APBB2: variants seen among roughly 807,000 people sequenced by gnomAD.
APBB2 encodes the protein Fe65-like 1.
In APBB2, 38 loss-of-function variants were observed where a neutral mutation model predicts 82.5. The observed-to-expected ratio is 0.46, with a 90% confidence interval of 0.36 to 0.60. APBB2 has a LOEUF of 0.60. Ranked by LOEUF, APBB2 falls within the 20% of genes least tolerant of loss-of-function variation. The probability of loss-of-function intolerance (pLI) is 0.00; values close to 1 mark genes in which losing one functional copy is unlikely to be tolerated. For synonymous variants in APBB2, 341 were observed against 368.2 expected, an observed-to-expected ratio of 0.93 and a Z score of 0.85; for missense variants, 772 against 972.3, an observed-to-expected ratio of 0.79 and a Z score of 2.74.
chr4:40,917,366 G>A (rs1457279978), intron 10 of APBB2, among the ~76,000 whole-genome samples: 2 of 152,186 alleles, frequency 1.3e-5, no homozygotes, highest in South Asian at 2.1e-4. Flanking sequence ...AAGGTCTCCC[G>A]GGCTGGAAGC....
chr4:41,129,238 T>C (rs1156604724), intron 2 of APBB2, among the ~76,000 whole-genome samples: 6 of 152,116 alleles, frequency 3.9e-5, no homozygotes, highest in Non-Finnish European at 7.4e-5. Flanking sequence ...CTCAATAAAT[T>C]TGGGGAGTCA....
At chr4:41,144,777 C>T (rs911243049) in intron 1 of APBB2, among the ~76,000 whole-genome samples, 2 of 152,206 alleles carry the variant, frequency 1.3e-5, no homozygotes, top group South Asian at 2.1e-4. Context: ...CCTCACCTAT[C>T]GCATCCAAAT....
At chr4:40,856,521 A>G (rs1056465811) in intron 12 of APBB2, among the ~76,000 whole-genome samples, 1 of 152,238 alleles carries the variant, frequency 6.6e-6, no homozygotes, top group Admixed American at 6.5e-5. Context: ...GGAAATGCAC[A>G]GTTTTTCTAC....
At chr4:41,071,515 T>C (rs1035343747) in intron 3 of APBB2, among the ~76,000 whole-genome samples, 13 of 152,160 alleles carry the variant, frequency 8.5e-5, no homozygotes, top group African/African-American at 3.1e-4. Flanking sequence ...ACCCCATCTC[T>C]ACTAAAAATA....
At chr4:41,168,394 C>T (rs28581266) in intron 1 of APBB2, among the ~76,000 whole-genome samples, 21,338 of 150,456 alleles carry the variant, frequency 0.14, 2,579 homozygotes, top group African/African-American at 0.34. Context: ...TATTTTTTTC[C>T]TCAGACAAAG....
Position 41,193,577 on chromosome 4 carries a change from C to T in APBB2, c.-417+20828G>A. The T allele has an allele frequency of 1.4e-4, 137 of 985,220 alleles. No homozygotes were observed. The African/African-American group carries it at 2.3e-3, about 17-fold the overall frequency. 61.0% of individuals were successfully genotyped at this position (985,220 alleles called of 1,614,324 possible). ...ACCAGGGACTCCCCAAGGTAAGCTACTTTTTGTCAGTGAGCTTAACATGTT... is the reference window on the plus strand; with the variant it reads ...ACCAGGGACTCCCCAAGGTAAGCTATTTTTTGTCAGTGAGCTTAACATGTT... On this transcript the variant is annotated intron_variant, in intron 1 of 17. Coordinates refer to ENST00000508593, the MANE Select transcript of APBB2 (RefSeq NM_004307.2).
In APBB2 at chr4:41,071,609, A is replaced by T. The variant is rs181190097; in HGVS notation, c.-148-5936T>A. Among the ~76,000 whole-genome samples, 4 of 152,208 alleles carry T rather than the reference A, an allele frequency of 2.6e-5. No homozygotes were observed. In the East Asian group the frequency reaches 7.7e-4, roughly 29 times the overall value. On this transcript the variant is annotated intron_variant, in intron 3 of 17. Transcript: ENST00000508593. ...GGCAGGAGAATCGCTTGAACCCGGG[A>T]GGCAGAGGTTGCAGTGAGCAGAGAT...
intron 4 of APBB2, among the ~76,000 whole-genome samples, chr4:41,040,850 A>G (rs891456002): frequency 6.6e-6 from 1 of 152,154 alleles, no homozygotes; most frequent in African/African-American, 2.4e-5. Context: ...AAGCAAAATA[A>G]AGCACACTTG....
chr4:41,049,799 C>T (rs1039533159), intron 4 of APBB2, among the ~76,000 whole-genome samples: 7 of 152,260 alleles, frequency 4.6e-5, no homozygotes, highest in Non-Finnish European at 5.9e-5. Flanking sequence ...AAAAATTCTT[C>T]TGCCTTGGGA....
intron 12 of APBB2, among the ~76,000 whole-genome samples, chr4:40,850,030 G>T (rs1436687286): frequency 2.0e-5 from 3 of 152,058 alleles, no homozygotes; most frequent in African/African-American, 7.2e-5. Flanking sequence ...TGCTACTCAG[G>T]TTACTTTTTA....
At chr4:40,942,243 C>T (rs2154379223) in intron 7 of APBB2, among the ~76,000 whole-genome samples, 1 of 152,286 alleles carries the variant, frequency 6.6e-6, no homozygotes, top group Non-Finnish European at 1.5e-5. Context: ...TGCCCTGTTG[C>T]TTTCTGAGAG....
chr4:41,056,650 G>A (rs931964588), intron 4 of APBB2, among the ~76,000 whole-genome samples: 8 of 152,248 alleles, frequency 5.3e-5, no homozygotes, highest in Non-Finnish European at 7.4e-5. Flanking sequence ...CACAGTATTC[G>A]GAGTATAGCA....
intron 5 of APBB2, among the ~76,000 whole-genome samples, chr4:41,028,251 C>T (rs1483217137): frequency 7.2e-5 from 11 of 152,214 alleles, no homozygotes; most frequent in Non-Finnish European, 1.6e-4. Flanking sequence ...GCAGAGCGCA[C>T]ACTCTAGGGA....
At chr4:40,891,814 G>C (rs1560810727) in intron 11 of APBB2, among the ~76,000 whole-genome samples, 1 of 152,152 alleles carries the variant, frequency 6.6e-6, no homozygotes, top group Non-Finnish European at 1.5e-5. Context: ...CTCCTCCAAA[G>C]GTCAGTCATT....
At chr4:40,836,380 G>C (rs948642689) in intron 12 of APBB2, among the ~76,000 whole-genome samples, 17 of 152,322 alleles carry the variant, frequency 1.1e-4, no homozygotes, top group Non-Finnish European at 2.1e-4. Flanking sequence ...GGGAGGCTGA[G>C]GTGTGAGAAT....
intron 6 of APBB2, among the ~76,000 whole-genome samples, chr4:41,009,701 C>G (rs28500748): frequency 0.17 from 25,368 of 152,008 alleles, 2,313 homozygotes; most frequent in Non-Finnish European, 0.21. Context: ...TAACACACAG[C>G]AAGTCAACAG....
intron 3 of APBB2, among the ~76,000 whole-genome samples, chr4:41,075,523 ATC>A (rs1735363526): frequency 6.6e-6 from 1 of 152,330 alleles, no homozygotes; most frequent in East Asian, 1.9e-4. Context: ...TATTCATGGA[ATC>A]TACAGAGATG....
intron 6 of APBB2, among the ~76,000 whole-genome samples, chr4:40,979,458 T>G (rs1044526132): frequency 6.6e-6 from 1 of 152,228 alleles, no homozygotes. Flanking sequence ...TATTTTTATC[T>G]CTGAATTCTG....
At chr4:41,151,774 T>TTA in intron 1 of APBB2, among the ~76,000 whole-genome samples, 1 of 147,420 alleles carries the variant, frequency 6.8e-6, no homozygotes, top group South Asian at 2.2e-4. Flanking sequence ...CATGGTCTTC[T>TTA]TTTTTTTTTT....
Sources: allele counts gnomAD v4.1 joint callset (sites outside exome capture counted in the v4.1 genomes callset), GRCh38; gene constraint gnomAD v4.1.1; transcripts MANE v1.5; gene names NCBI Gene and HGNC (gene_info 2026-07-23, HGNC 2026-07-21).